The following RANBP2 variants were observed in gnomAD, a reference collection of about 807,000 sequenced individuals.
RANBP2 encodes E3 SUMO-protein ligase RanBP2.
Under a neutral mutation model 303.6 loss-of-function variants are expected in RANBP2, and 57 were observed. The observed-to-expected ratio is 0.19, with a 90% CI of 0.15 to 0.23. The LOEUF is 0.23. Among genes scored for constraint, RANBP2 ranks in the 10% least tolerant of loss-of-function variants. The pLI, the probability that RANBP2 is intolerant of heterozygous loss-of-function variation, is 1.00. For synonymous variants in RANBP2, 1,167 were observed against 1,301.5 expected, an observed-to-expected ratio of 0.90 and a Z score of 2.23; for missense variants, 3,138 against 3,780.8, an observed-to-expected ratio of 0.83 and a Z score of 4.46.
chr2:108,883,844 A>T, the RANBP2 span: 1 of 152,268 alleles, frequency 6.6e-6, no homozygotes, highest in East Asian at 1.9e-4. Flanking sequence ...TAAATTACGC[A>T]CCTTGAGGGT....
chr2:109,673,884 C>T, the RANBP2 span, among the ~76,000 whole-genome samples: 2 of 152,004 alleles, frequency 1.3e-5, no homozygotes, highest in Non-Finnish European at 2.9e-5. Flanking sequence ...AGGTTTTTTC[C>T]CCCTTCATTT....
At chr2:108,875,876 C>T in the RANBP2 span, among the ~76,000 whole-genome samples, 5 of 152,086 alleles carry the variant, frequency 3.3e-5, no homozygotes, top group African/African-American at 1.2e-4. Context: ...AAAAAGTTTT[C>T]TTTTTTCCCC....
chr2:109,587,483 A>G, the RANBP2 span, among the ~76,000 whole-genome samples: 1 of 152,226 alleles, frequency 6.6e-6, no homozygotes, highest in Non-Finnish European at 1.5e-5. Flanking sequence ...AAATATCTAA[A>G]TAATAGTGAC....
chr2:109,402,817 T>G, the RANBP2 span, among the ~76,000 whole-genome samples: 48 of 152,300 alleles, frequency 3.2e-4, no homozygotes, highest in East Asian at 1.9e-4. Context: ...CATTTACTTT[T>G]GGGGTGAGCA....
the RANBP2 span, among the ~76,000 whole-genome samples, chr2:109,438,288 A>G: frequency 6.6e-6 from 1 of 152,078 alleles, no homozygotes; most frequent in South Asian, 2.1e-4. Context: ...CAGCATCGTC[A>G]CTGGGTGCAG....
the RANBP2 span, among the ~76,000 whole-genome samples, chr2:109,105,970 C>T: frequency 6.6e-6 from 1 of 151,782 alleles, no homozygotes; most frequent in Non-Finnish European, 1.5e-5. Context: ...TCTCCTGCCT[C>T]AGCCTCCTGA....
the RANBP2 span, among the ~76,000 whole-genome samples, chr2:109,226,996 C>A: frequency 6.6e-6 from 1 of 152,158 alleles, no homozygotes; most frequent in Admixed American, 6.5e-5. Flanking sequence ...CTCTTTCTAG[C>A]TCTGGGTCCC....
the RANBP2 span, among the ~76,000 whole-genome samples, chr2:108,976,297 G>A: frequency 6.6e-6 from 1 of 152,190 alleles, no homozygotes; most frequent in Non-Finnish European, 1.5e-5. Context: ...ACTGAGAGTT[G>A]TCAGATGTTT....
At chr2:109,290,936 T>C in the RANBP2 span, among the ~76,000 whole-genome samples, 1 of 152,274 alleles carries the variant, frequency 6.6e-6, no homozygotes, top group Non-Finnish European at 1.5e-5. Context: ...AGCTGCTTTT[T>C]ACTGTTTTCC....
the RANBP2 span, among the ~76,000 whole-genome samples, chr2:109,577,621 AAGAG>A: frequency 2.0e-5 from 3 of 151,542 alleles, no homozygotes; most frequent in East Asian, 1.9e-4. Flanking sequence ...AAGAAAAAGA[AAGAG>A]AGAACTCGGT....
At chr2:109,380,054 G>C in the RANBP2 span, among the ~76,000 whole-genome samples, 1 of 152,150 alleles carries the variant, frequency 6.6e-6, no homozygotes, top group African/African-American at 2.4e-5. Flanking sequence ...CTACATAAGA[G>C]GGAGACTCCA....
chr2:109,508,589 G>T, the RANBP2 span, among the ~76,000 whole-genome samples: 6 of 151,348 alleles, frequency 4.0e-5, no homozygotes, highest in Non-Finnish European at 7.4e-5. Flanking sequence ...TGTGAAGAAA[G>T]AACTCTTTAT....
At chr2:109,474,007 A>C in the RANBP2 span, among the ~76,000 whole-genome samples, 1 of 152,152 alleles carries the variant, frequency 6.6e-6, no homozygotes, top group Non-Finnish European at 1.5e-5. Context: ...AGGTTATGAC[A>C]GGGGCTTTGA....
At chr2:108,930,078 C>T in the RANBP2 span, 2 of 1,593,422 alleles carry the variant, frequency 1.3e-6, no homozygotes, top group African/African-American at 1.3e-5. Context: ...CAGGAGGCCT[C>T]CCCTGAGAGC....
the RANBP2 span, among the ~76,000 whole-genome samples, chr2:108,993,904 C>T: frequency 6.6e-6 from 1 of 152,092 alleles, no homozygotes; most frequent in East Asian, 1.9e-4. Context: ...ATCAAGGTGC[C>T]CAGCAGACCC....
At chr2:109,593,128 G>A in the RANBP2 span, 2 of 1,578,466 alleles carry the variant, frequency 1.3e-6, no homozygotes, top group Non-Finnish European at 1.7e-6. Context: ...AGCTAAAAAA[G>A]GAATACAAAG....
At chr2:108,870,064 G>C in the RANBP2 span, among the ~76,000 whole-genome samples, 17 of 152,128 alleles carry the variant, frequency 1.1e-4, no homozygotes, top group Admixed American at 1.1e-3. Context: ...AGTGATACAT[G>C]AGCAAAATTT....
the RANBP2 span, among the ~76,000 whole-genome samples, chr2:109,163,174 A>T: frequency 6.6e-6 from 1 of 152,036 alleles, no homozygotes; most frequent in Non-Finnish European, 1.5e-5. Flanking sequence ...AACTGAGCTC[A>T]CCCCCGAGGC....
chr2:109,676,205 T>G, the RANBP2 span, among the ~76,000 whole-genome samples: 1 of 152,182 alleles, frequency 6.6e-6, no homozygotes, highest in Non-Finnish European at 1.5e-5. Flanking sequence ...AAGCCCTTGC[T>G]TTTTGCTGAC....
Sources: gnomAD v4.1 joint callset for allele counts (sites outside exome capture counted in the v4.1 genomes callset) on GRCh38, gnomAD v4.1.1 for gene constraint, MANE v1.5 for transcripts, NCBI Gene and HGNC (gene_info 2026-07-23, HGNC 2026-07-21) for gene names.